The following SUMF1 variants were observed in gnomAD, a reference collection of about 807,000 sequenced individuals.
SUMF1 encodes the protein sulfatase modifying factor 1.
In SUMF1, 48 loss-of-function variants were observed where a neutral mutation model predicts 47.6. The ratio of observed to expected loss-of-function variants is 1.01; its 90% CI spans 0.80 to 1.28. The LOEUF (loss-of-function observed/expected upper bound fraction) is 1.28. Among genes scored for constraint, SUMF1 ranks in the 50% most tolerant of loss-of-function variants. SUMF1 has a pLI of 0.00. For synonymous variants in SUMF1, 230 were observed against 192.1 expected, an observed-to-expected ratio of 1.20 and a Z score of -1.63; for missense variants, 571 against 485.4, an observed-to-expected ratio of 1.18 and a Z score of -1.66.
rs537605121 is a variant in SUMF1, at chr3:4,169,163, T to C, written c.1015-100418A>G. On this transcript the variant is annotated intron_variant and NMD_transcript_variant, in intron 8 of 12. Transcript: ENST00000448413. ...GATGGAACAGATAATGCTGGCAAAT[T>C]CACATGTGAAGATTCTATCTACAAC... Among the ~76,000 whole-genome samples, 83 of 152,194 alleles carry C rather than the reference T, an allele frequency of 5.5e-4. 2 individuals are homozygous for C. The South Asian group carries it at 0.017, about 31-fold the overall frequency.
intron 8 of SUMF1, among the ~76,000 whole-genome samples, chr3:4,136,569 T>C (rs1177049049): frequency 2.0e-5 from 3 of 151,986 alleles, no homozygotes; most frequent in Non-Finnish European, 4.4e-5. Flanking sequence ...GGGCAAGGAC[T>C]TCATGTCTAA....
intron 8 of SUMF1, among the ~76,000 whole-genome samples, chr3:4,245,170 C>A: frequency 6.6e-6 from 1 of 152,154 alleles, no homozygotes; most frequent in East Asian, 1.9e-4. Context: ...AGCTTCCTTG[C>A]TATGGGTTGG....
At chr3:4,375,755 C>A (rs1433414140) in intron 8 of SUMF1, among the ~76,000 whole-genome samples, 1 of 152,066 alleles carries the variant, frequency 6.6e-6, no homozygotes, top group Non-Finnish European at 1.5e-5. Flanking sequence ...TTTCCAAATT[C>A]CTTATAAAGG....
At chr3:4,245,238 T>C (rs1426229397) in intron 8 of SUMF1, among the ~76,000 whole-genome samples, 1 of 152,180 alleles carries the variant, frequency 6.6e-6, no homozygotes, top group Admixed American at 6.5e-5. Context: ...AGCCTACTTC[T>C]GTCAACTCAA....
At chr3:4,115,105 C>T (rs967049823) in intron 8 of SUMF1, among the ~76,000 whole-genome samples, 10 of 151,986 alleles carry the variant, frequency 6.6e-5, no homozygotes, top group African/African-American at 2.4e-4. Context: ...CTCGCGGGCA[C>T]AAATGCAGAC....
At chr3:4,170,966 A>C (rs1423871803) in intron 8 of SUMF1, among the ~76,000 whole-genome samples, 4 of 152,196 alleles carry the variant, frequency 2.6e-5, no homozygotes, top group Non-Finnish European at 4.4e-5. Context: ...AAGTTTGAAG[A>C]AGGTGGCAAT....
chr3:4,060,559 C>A (rs895756798), intron 9 of SUMF1, among the ~76,000 whole-genome samples: 8 of 152,106 alleles, frequency 5.3e-5, no homozygotes, highest in Admixed American at 6.6e-5. Context: ...GGGTAGGACC[C>A]CATATTCAAA....
chr3:4,150,707 AAAG>A (rs1174659303), intron 8 of SUMF1, among the ~76,000 whole-genome samples: 2 of 151,760 alleles, frequency 1.3e-5, no homozygotes, highest in East Asian at 3.9e-4. Context: ...TTAATAAGAA[AAAG>A]AAGCAACAGT....
intron 8 of SUMF1, among the ~76,000 whole-genome samples, chr3:4,270,006 A>G (rs1697272224): frequency 6.6e-6 from 1 of 152,166 alleles, no homozygotes; most frequent in African/African-American, 2.4e-5. Flanking sequence ...TACAGCTACC[A>G]TCTCATTTAG....
At chr3:4,425,713 C>A (rs1410582282) in intron 3 of SUMF1, among the ~76,000 whole-genome samples, 2 of 152,168 alleles carry the variant, frequency 1.3e-5, no homozygotes, top group African/African-American at 4.8e-5. Flanking sequence ...GAGGGTAGGG[C>A]AAGGGGAGTG....
intron 8 of SUMF1, among the ~76,000 whole-genome samples, chr3:4,148,731 T>C (rs1694251230): frequency 1.3e-5 from 2 of 152,276 alleles, no homozygotes; most frequent in East Asian, 1.9e-4. Flanking sequence ...TGGACCACAT[T>C]TGATCCACAA....
At chr3:4,411,688 A>AG (rs1701546567) in intron 6 of SUMF1, among the ~76,000 whole-genome samples, 2 of 144,542 alleles carry the variant, frequency 1.4e-5, no homozygotes, top group Non-Finnish European at 3.0e-5. Flanking sequence ...TTTTTATAAA[A>AG]GGGGGGAGAG....
intron 8 of SUMF1, among the ~76,000 whole-genome samples, chr3:4,180,893 T>C (rs1025687219): frequency 6.6e-6 from 1 of 151,918 alleles, no homozygotes; most frequent in Non-Finnish European, 1.5e-5. Flanking sequence ...CCCCACATGG[T>C]TGGTAAGAAT....
chr3:4,436,661 A>G (rs541291200), intron 3 of SUMF1, among the ~76,000 whole-genome samples: 1 of 152,150 alleles, frequency 6.6e-6, no homozygotes, highest in South Asian at 2.1e-4. Flanking sequence ...ACATTAGAAA[A>G]TATTTAGCAA....
At chr3:4,055,583 A>G (rs572007322) in intron 9 of SUMF1, among the ~76,000 whole-genome samples, 34 of 152,236 alleles carry the variant, frequency 2.2e-4, no homozygotes, top group Admixed American at 5.9e-4. Flanking sequence ...CCTGAACTCA[A>G]GTGATCCTCT....
intron 8 of SUMF1, among the ~76,000 whole-genome samples, chr3:4,101,323 G>A (rs910119147): frequency 6.6e-6 from 1 of 152,026 alleles, no homozygotes; most frequent in African/African-American, 2.4e-5. Flanking sequence ...AAACACAACA[G>A]GAAATTCTGT....
intron 8 of SUMF1, among the ~76,000 whole-genome samples, chr3:4,367,121 G>C (rs1439539056): frequency 6.6e-6 from 1 of 151,872 alleles, no homozygotes; most frequent in Non-Finnish European, 1.5e-5. Context: ...GTGTCAGTCT[G>C]CCCCTACTGG....
intron 8 of SUMF1, among the ~76,000 whole-genome samples, chr3:4,184,754 T>C (rs371770663): frequency 6.6e-6 from 1 of 151,312 alleles, no homozygotes; most frequent in South Asian, 2.1e-4. Flanking sequence ...GTTCAAGCGA[T>C]CCTCCTGCCT....
At chr3:4,383,665 A>G (rs139182159) in intron 7 of SUMF1, among the ~76,000 whole-genome samples, 206 of 152,316 alleles carry the variant, frequency 1.4e-3, no homozygotes, top group African/African-American at 4.7e-3. Context: ...AAACCTCTTT[A>G]TAAGACTGGA....
Sources: allele counts gnomAD v4.1 joint callset (sites outside exome capture counted in the v4.1 genomes callset), GRCh38; gene constraint gnomAD v4.1.1; transcripts MANE v1.5; gene names NCBI Gene and HGNC (gene_info 2026-07-23, HGNC 2026-07-21).